HID1: variants seen among roughly 807,000 people sequenced by gnomAD.
HID1 encodes the protein HID1 domain containing, also known as protein HID1.
In HID1, 42 loss-of-function variants were observed where a neutral mutation model predicts 89.7. That is an observed-to-expected ratio of 0.47 (90% CI 0.37 to 0.61). The LOEUF is 0.61. Among genes scored for constraint, HID1 ranks in the 20% least tolerant of loss-of-function variants. HID1 has a pLI of 0.00. For missense variants in HID1, 854 were observed against 1,039.3 expected, an observed-to-expected ratio of 0.82 and a Z score of 2.45; for synonymous variants, 442 against 433.8, an observed-to-expected ratio of 1.02 and a Z score of -0.24.
intron 1 of HID1, among the ~76,000 whole-genome samples, chr17:74,970,306 C>T (rs769375420): frequency 1.3e-5 from 2 of 152,202 alleles, no homozygotes; most frequent in Non-Finnish European, 2.9e-5. Context: ...TATCTTTTGA[C>T]TCTCAGGGTG....
At chr17:74,960,330 G>T in intron 6 of HID1, 82 bp from the exon 7 acceptor site, 1 of 1,229,482 alleles carries the variant, frequency 8.1e-7, no homozygotes, top group Non-Finnish European at 1.1e-6. Context: ...ACGTGGGAAG[G>T]TCAGCCTCAT....
At position 74,972,159 on chromosome 17, in the gene HID1, G is replaced by A. The variant is rs1016301498; in HGVS notation, c.66+432C>T. Among the ~76,000 whole-genome samples the A allele has an allele frequency of 7.9e-5, 12 of 151,850 alleles. No individual in the cohort carries two copies. The highest frequency in any genetic ancestry group is 7.2e-4 in the Admixed American group (11 of 15,260). Reference sequence around the variant, plus strand: ...GGCGGACGCCAGCCAGGCTTTGTTTGCATTGAGTCAACAGGGACTGTGCGT... The same window carrying A: ...GGCGGACGCCAGCCAGGCTTTGTTTACATTGAGTCAACAGGGACTGTGCGT... On this transcript the variant is annotated intron_variant, in intron 1 of 18. Coordinates refer to ENST00000425042, the MANE Select transcript of HID1 (RefSeq NM_030630.3). This position sits in a 1 kb window ranked among gnomAD's most constrained non-coding sequence, Gnocchi z 6.4.
In HID1 at chr17:74,957,642, G is replaced by A. The variant is rs1392772092; in HGVS notation, c.1471+499C>T. 6.6e-5 allele frequency among the ~76,000 whole-genome samples: 10 copies of A among 151,046 alleles called. No individual in the cohort carries two copies. In the East Asian group the frequency reaches 1.8e-3, roughly 27 times the overall value. The stretch of plus-strand genomic sequence containing the variant: ...AGGCCAGATGCAGTGGCTCATGCCT[G>A]TAATCCCAGCACTTTGGGAGGCTGA... On this transcript the variant is annotated intron_variant, in intron 12 of 18. Coordinates refer to ENST00000425042, the MANE Select transcript of HID1 (RefSeq NM_030630.3).
chr17:74,972,250 G>A lies in HID1; in HGVS notation c.66+341C>T, dbSNP rs2039659994. Among the ~76,000 whole-genome samples, 1 of 151,612 alleles carries A rather than the reference G, an allele frequency of 6.6e-6. No individual in the cohort carries two copies. Among genetic ancestry groups the A allele is most frequent in the Non-Finnish European group, 1.5e-5 (1 of 67,846 alleles). On this transcript the variant is annotated intron_variant, in intron 1 of 18. Transcript: ENST00000425042. The surrounding 1 kb of genome is among the most constrained non-coding windows in gnomAD (Gnocchi z 6.4). The stretch of plus-strand genomic sequence containing the variant: ...CGGTGGATGGGTGGGTGGGGGCGGC[G>A]GGAGGCTGGAGATGCGAAGCTGGGG...
At position 74,960,197 on chromosome 17, in the gene HID1, G is replaced by A. The variant is rs373431849; in HGVS notation, c.780C>T (p.Asp260=). 2 of 1,613,522 alleles carry A rather than the reference G, an allele frequency of 1.2e-6. No individual in the cohort carries two copies. Among genetic ancestry groups the A allele is most frequent in the Non-Finnish European group, 1.7e-6 (2 of 1,180,036 alleles). Residue 260 remains aspartate (D), a synonymous_variant, in exon 7 of 19, where the codon GAC becomes GAT. Transcript: ENST00000425042. ...TGTAGGGGATCCCGTAGCCCACAGG[G>A]TCATAGGCACACACGGTGTTGAGGA... The part of the protein sequence containing the change: ...TSLLNTVCAY[D]PVGYGIPYNH...
At position 74,959,007 on chromosome 17, in the gene HID1, G is replaced by C; in HGVS notation, c.1053C>G (p.Asn351Lys). 3 of 1,597,436 alleles carry C rather than the reference G, an allele frequency of 1.9e-6. No individual in the cohort carries two copies. Among genetic ancestry groups the C allele is most frequent in the Non-Finnish European group, 2.6e-6 (3 of 1,174,754 alleles). ...TAGGCAGGTAGGTCTGGAGCAGGGG[G>C]TTGGACAGCAGCCGGGCTATACCCT... ...ILKGIARLLS[N>K]PLLQTYLPNS... is the part of the protein sequence containing the mutation. The change falls in exon 9 of 19, where the codon AAC (asparagine) becomes AAG (lysine). Residue 351 changes from asparagine (N) to lysine (K), a missense_variant. Coordinates refer to ENST00000425042, the MANE Select transcript of HID1 (RefSeq NM_030630.3). The surrounding 1 kb of genome is among the most constrained non-coding windows in gnomAD (Gnocchi z 4.6).
intron 15 of HID1, 24 bp from the exon 16 acceptor site, chr17:74,953,110 G>C: frequency 6.3e-7 from 1 of 1,576,016 alleles, no homozygotes; most frequent in Non-Finnish European, 8.6e-7. Flanking sequence ...AGGAACAGGG[G>C]TGAGGGATGG....
intron 16 of HID1, 35 bp from the exon 17 acceptor site, chr17:74,952,395 C>G: frequency 6.4e-7 from 1 of 1,567,438 alleles, no homozygotes; most frequent in Non-Finnish European, 8.8e-7. Context: ...GCTGAGAAAG[C>G]AGCCCCCGGA....
At chr17:74,968,537 A>G (rs1003533622) in intron 1 of HID1, among the ~76,000 whole-genome samples, 12 of 152,234 alleles carry the variant, frequency 7.9e-5, no homozygotes, top group Non-Finnish European at 1.5e-4. Flanking sequence ...CAGAACTGGT[A>G]GAGCGAGTTC....
At chr17:74,968,350 G>C (rs536418402) in intron 1 of HID1, among the ~76,000 whole-genome samples, 1 of 152,248 alleles carries the variant, frequency 6.6e-6, no homozygotes, top group African/African-American at 2.4e-5. Flanking sequence ...CTCAGTCCTG[G>C]GGACCCCTTC....
chr17:74,961,941 G>A lies in HID1; in HGVS notation c.660C>T (p.Tyr220=). The A allele has an allele frequency of 6.2e-7, 1 of 1,603,206 alleles. No homozygotes were observed. Among genetic ancestry groups the A allele is most frequent in the Non-Finnish European group, 8.5e-7 (1 of 1,175,046 alleles). The change falls in exon 6 of 19, where the codon TAC becomes TAT. Residue 220 remains tyrosine (Y), a synonymous_variant. Coordinates refer to ENST00000425042, the MANE Select transcript of HID1 (RefSeq NM_030630.3). The part of the protein sequence containing the change: ...LLLTCFSEAM[Y]LPPAPESGST... ...TGCCACTTTCCGGAGCTGGGGGCAG[G>A]TACATGGCCTCGGAGAAGCATGTCA...
Position 74,955,886 on chromosome 17 carries a change from G to A in HID1, c.1542C>T (p.Ser514=), listed in dbSNP as rs2039382409. ...NKLLHLLEAF[S]TTWFLFSAAQ... ...CGGCAGAGAAGAGGAACCAGGTGGT[G>A]GAGAAGGCCTCCAGCAGGTGCAGCA... The change falls in exon 13 of 19, where the codon TCC becomes TCT. Residue 514 remains serine, a synonymous_variant. Coordinates refer to ENST00000425042, the MANE Select transcript of HID1 (RefSeq NM_030630.3). 1 of 1,614,162 alleles carries A rather than the reference G, an allele frequency of 6.2e-7. No individual in the cohort carries two copies. Among genetic ancestry groups the A allele is most frequent in the East Asian group, 2.2e-5 (1 of 44,878 alleles).
chr17:74,958,617 C>T lies in HID1; in HGVS notation c.1240+56G>A. The T allele has an allele frequency of 6.3e-7, 1 of 1,592,924 alleles. No homozygotes were observed. Among genetic ancestry groups the T allele is most frequent in the South Asian group, 1.1e-5 (1 of 90,174 alleles). ...CCTGGGAGTCAGGGCAGATAGCCAG[C>T]CCTCCACCTCGCCGCCAGGAAAGCC... is the stretch of plus-strand genomic sequence containing the variant. On this transcript the variant is annotated intron_variant, in intron 10 of 18. Coordinates refer to ENST00000425042, the MANE Select transcript of HID1 (RefSeq NM_030630.3). This position sits in a 1 kb window ranked among gnomAD's most constrained non-coding sequence, Gnocchi z 5.2.
rs761306367 is a variant in HID1 at position 74,952,273 on chromosome 17, C to G, written c.2140G>C (p.Asp714His). 8.1e-6 allele frequency: 13 copies of G among 1,613,092 alleles called. No individual in the cohort carries two copies. The highest frequency in any genetic ancestry group is 6.7e-5 in the East Asian group (3 of 44,880). The part of the protein sequence containing the change: ...LVPQVEKICI[D>H]KGLTDESEIL... Reference sequence around the variant, plus strand: ...CCCTGCCGGCGCCCGACTCACTTGTCAATGCAGATCTTCTCCACCTGCGGA... The same window carrying G: ...CCCTGCCGGCGCCCGACTCACTTGTGAATGCAGATCTTCTCCACCTGCGGA... The change falls in exon 17 of 19, where the codon GAC (aspartate) becomes CAC (histidine). Residue 714 changes from aspartate to histidine, a missense_variant. Coordinates refer to ENST00000425042, the MANE Select transcript of HID1 (RefSeq NM_030630.3).
At chr17:74,961,587 T>C (rs928276966) in intron 6 of HID1, 2 of 191,960 alleles carry the variant, frequency 1.0e-5, no homozygotes, top group African/African-American at 4.7e-5. Context: ...TTTTTAACTT[T>C]TTTAATTTTA....
Position 74,959,920 on chromosome 17 carries a change from G to A in HID1, c.969C>T (p.Asn323=), listed in dbSNP as rs1221847179. ...MDDADPPGPE[N]LFVNYLSRIH... is the part of the protein sequence containing the mutation. ...TGCGGGACAGGTAGTTCACAAACAG[G>A]TTCTCAGGGCCTGGAGGCTGCCAAG... is the stretch of plus-strand genomic sequence containing the variant. Residue 323 remains asparagine, a synonymous_variant, in exon 8 of 19, where the codon AAC becomes AAT. Coordinates refer to ENST00000425042, the MANE Select transcript of HID1 (RefSeq NM_030630.3). This position sits in a 1 kb window ranked among gnomAD's most constrained non-coding sequence, Gnocchi z 4.6. 2 of 1,613,716 alleles carry A rather than the reference G, an allele frequency of 1.2e-6. No homozygotes were observed. The highest frequency in any genetic ancestry group is 1.1e-5 in the South Asian group (1 of 91,090).
rs534686840 is a variant in HID1 at position 74,962,184 on chromosome 17, C to T, written c.611+50G>A. On this transcript the variant is annotated intron_variant, in intron 5 of 18. Coordinates refer to ENST00000425042, the MANE Select transcript of HID1 (RefSeq NM_030630.3). This position sits in a 1 kb window ranked among gnomAD's most constrained non-coding sequence, Gnocchi z 4.3. ...GGGCTTTCTGAGCTGTGCGGGGGCC[C>T]GGCCCGGGGTCCAGCTGCATTGAGG... The T allele has an allele frequency of 7.4e-6, 11 of 1,481,906 alleles. No homozygotes were observed. The highest frequency in any genetic ancestry group is 7.1e-5 in the Admixed American group (4 of 56,362). The allele number at this position is 1,481,906 out of a possible 1,614,324, so 91.8% of individuals were successfully genotyped here.
intron 1 of HID1, among the ~76,000 whole-genome samples, chr17:74,968,364 CT>C (rs2039593527): frequency 6.6e-6 from 1 of 152,176 alleles, no homozygotes; most frequent in Admixed American, 6.5e-5. Context: ...CCCCTTCAGC[CT>C]GGCCACAGAG....
In HID1 at chr17:74,957,937, C is replaced by T. The variant is rs1598621447; in HGVS notation, c.1471+204G>A. 10 of 585,676 alleles carry T rather than the reference C, an allele frequency of 1.7e-5. 2 individuals are homozygous for T. In the Admixed American group the frequency reaches 3.0e-4, roughly 18 times the overall value. The allele number at this position is 585,676 out of a possible 1,614,324, so 36.3% of individuals were successfully genotyped here. A position where few individuals can be genotyped will look rare whatever the true frequency, so the allele number is the denominator to read the frequency against. ...ATCTCATTAGTAATTTTCATATTGG[C>T]TACATGTTGAGATGATGATAGATAA... On this transcript the variant is annotated intron_variant, in intron 12 of 18. Transcript: ENST00000425042.
Sources: allele counts gnomAD v4.1 joint callset (sites outside exome capture counted in the v4.1 genomes callset), GRCh38; gene constraint gnomAD v4.1.1; non-coding constraint Gnocchi (gnomAD v3.1); transcripts MANE v1.5; gene names NCBI Gene and HGNC (gene_info 2026-07-23, HGNC 2026-07-21).